CDH4: variants seen among roughly 807,000 people sequenced by gnomAD.
CDH4 encodes cadherin 4.
In CDH4, 33 loss-of-function variants were observed where a neutral mutation model predicts 86.0. The ratio of observed to expected loss-of-function variants is 0.38; its 90% confidence interval spans 0.29 to 0.51. The LOEUF is 0.51. Among genes scored for constraint, CDH4 ranks in the 20% least tolerant of loss-of-function variants. The pLI is 0.86. For missense variants in CDH4, 1,114 were observed against 1,307.4 expected, an observed-to-expected ratio of 0.85 and a Z score of 2.28; for synonymous variants, 555 against 549.4, an observed-to-expected ratio of 1.01 and a Z score of -0.14.
At chr20:61,386,479 T>G (rs748180624) in intron 2 of CDH4, among the ~76,000 whole-genome samples, 13 of 151,178 alleles carry the variant, frequency 8.6e-5, no homozygotes, top group Admixed American at 2.0e-4. Flanking sequence ...AGCCCTGGCA[T>G]GCACTGAACC....
intron 2 of CDH4, among the ~76,000 whole-genome samples, chr20:61,702,540 A>C (rs898207586): frequency 6.6e-6 from 1 of 152,236 alleles, no homozygotes; most frequent in Non-Finnish European, 1.5e-5. Flanking sequence ...CTGGTGATGC[A>C]ATTCATTCTT....
intron 2 of CDH4, among the ~76,000 whole-genome samples, chr20:61,335,165 T>C (rs1486199553): frequency 6.6e-6 from 1 of 152,194 alleles, no homozygotes; most frequent in Non-Finnish European, 1.5e-5. Flanking sequence ...TATATTGATA[T>C]TGATGCCTTC....
chr20:61,900,111 G>GGT (rs1985318384), intron 8 of CDH4, among the ~76,000 whole-genome samples: 1 of 141,700 alleles, frequency 7.1e-6, no homozygotes, highest in African/African-American at 3.2e-5. Flanking sequence ...CAGCCTCAGC[G>GGT]GGGGGGACTG....
chr20:61,380,493 C>A (rs143920230), intron 2 of CDH4, among the ~76,000 whole-genome samples: 5 of 152,012 alleles, frequency 3.3e-5, no homozygotes, highest in Non-Finnish European at 7.4e-5. Context: ...TTCCCTTCCA[C>A]GGCGCTCCCA....
At chr20:61,397,643 A>G (rs1431146849) in intron 2 of CDH4, among the ~76,000 whole-genome samples, 1 of 152,002 alleles carries the variant, frequency 6.6e-6, no homozygotes, top group African/African-American at 2.4e-5. Context: ...TATTTTCCCC[A>G]TTTCAATGGT....
chr20:61,460,500 C>T (rs1412370799), intron 2 of CDH4, among the ~76,000 whole-genome samples: 1 of 152,216 alleles, frequency 6.6e-6, no homozygotes, highest in African/African-American at 2.4e-5. Flanking sequence ...CCCCCGGCCT[C>T]ACCTGCCGCT....
chr20:61,669,750 C>T (rs753270697), intron 2 of CDH4, among the ~76,000 whole-genome samples: 13 of 152,168 alleles, frequency 8.5e-5, no homozygotes, highest in Admixed American at 2.0e-4. Flanking sequence ...CCGTACCCTC[C>T]GCTACAAAAG....
intron 2 of CDH4, among the ~76,000 whole-genome samples, chr20:61,476,805 A>T (rs1285541114): frequency 1.3e-5 from 2 of 152,256 alleles, no homozygotes; most frequent in African/African-American, 4.8e-5. Context: ...ATGTCTGTGC[A>T]TGGATCCCAG....
intron 2 of CDH4, among the ~76,000 whole-genome samples, chr20:61,315,497 G>A (rs1358994215): frequency 1.3e-5 from 2 of 152,140 alleles, no homozygotes; most frequent in African/African-American, 4.8e-5. Context: ...GGTGTAGCCA[G>A]GTTTCTGTCT....
At chr20:61,613,875 G>C (rs2086705092) in intron 2 of CDH4, among the ~76,000 whole-genome samples, 1 of 151,998 alleles carries the variant, frequency 6.6e-6, no homozygotes, top group African/African-American at 2.4e-5. Flanking sequence ...TTGGGGAGGA[G>C]CTCGTTTGTT....
At chr20:61,896,181 G>T (rs1194138025) in intron 8 of CDH4, among the ~76,000 whole-genome samples, 1 of 152,210 alleles carries the variant, frequency 6.6e-6, no homozygotes, top group Admixed American at 6.5e-5. Context: ...TACAGCCAGG[G>T]TGCAGAGCTA....
intron 2 of CDH4, among the ~76,000 whole-genome samples, chr20:61,507,280 G>T (rs1354618671): frequency 6.6e-6 from 1 of 152,214 alleles, no homozygotes; most frequent in Non-Finnish European, 1.5e-5. Context: ...ACAAGGCGCA[G>T]CCATCTTGAT....
chr20:61,649,271 A>G (rs2087096904), intron 2 of CDH4, among the ~76,000 whole-genome samples: 1 of 152,182 alleles, frequency 6.6e-6, no homozygotes, highest in Admixed American at 6.5e-5. Flanking sequence ...TCACAGACCC[A>G]TCCTGTGGCC....
rs1022293714 is a variant in CDH4 at position 61,623,835 on chromosome 20, C to T, written c.170-119728C>T. Among the ~76,000 whole-genome samples, 1 of 151,798 alleles carries T rather than the reference C, an allele frequency of 6.6e-6. No homozygotes were observed. The highest frequency in any genetic ancestry group is 1.5e-5 in the Non-Finnish European group (1 of 67,916). ...AATCTGAGCAGGAAGGACACGGTTC[C>T]TAGAGCGAGGAACACCCCAGAATCT... On this transcript the variant is annotated intron_variant, in intron 2 of 15. Coordinates refer to ENST00000614565, the MANE Select transcript of CDH4 (RefSeq NM_001794.5). The surrounding 1 kb of genome is among the most constrained non-coding windows in gnomAD (Gnocchi z 4.4).
chr20:61,852,735 GTC>G lies in CDH4; in HGVS notation c.733-15_733-14del. 1.2e-6 allele frequency: 2 copies of G among 1,606,418 alleles called. No individual in the cohort carries two copies. Among genetic ancestry groups the G allele is most frequent in the Admixed American group, 1.7e-5 (1 of 59,574 alleles). On this transcript the variant is annotated splice_polypyrimidine_tract_variant and intron_variant, in intron 5 of 15. Coordinates refer to ENST00000614565, the MANE Select transcript of CDH4 (RefSeq NM_001794.5). ...GGGTGCCCACCCGCCACTGGGCCCT[GTC>G]TCTGCTGCTTTTCCAGCTCCGAGCC...
intron 2 of CDH4, among the ~76,000 whole-genome samples, chr20:61,456,879 TCTC>T (rs374707083): frequency 1.3e-5 from 2 of 152,152 alleles, no homozygotes; most frequent in East Asian, 1.9e-4. Flanking sequence ...TAGGAGAACT[TCTC>T]CTGGGGGTGA....
chr20:61,624,074 G>C (rs965026940), intron 2 of CDH4, among the ~76,000 whole-genome samples: 1 of 152,152 alleles, frequency 6.6e-6, no homozygotes, highest in Non-Finnish European at 1.5e-5. Context: ...TGTTCTCTCT[G>C]GAGCTGCATT....
At chr20:61,266,867 G>C (rs1016183360) in intron 2 of CDH4, among the ~76,000 whole-genome samples, 1 of 152,140 alleles carries the variant, frequency 6.6e-6, no homozygotes, top group Non-Finnish European at 1.5e-5. Context: ...TTTGGAGAAA[G>C]GGTCTTTGCA....
intron 2 of CDH4, chr20:61,599,690 G>A: frequency 2.5e-6 from 1 of 404,376 alleles, no homozygotes; most frequent in Non-Finnish European, 3.3e-6. Flanking sequence ...CTCTCGCGTG[G>A]TCTCTGCGTC....
Sources: allele counts gnomAD v4.1 joint callset (sites outside exome capture counted in the v4.1 genomes callset), GRCh38; gene constraint gnomAD v4.1.1; non-coding constraint Gnocchi (gnomAD v3.1); transcripts MANE v1.5; gene names NCBI Gene and HGNC (gene_info 2026-07-23, HGNC 2026-07-21).